The following PCDHA4 variants were observed in gnomAD, a reference collection of about 807,000 sequenced individuals.
PCDHA4 encodes protocadherin alpha-4.
A neutral mutation model predicts 61.4 loss-of-function variants in PCDHA4; 49 were observed. That is an observed-to-expected ratio of 0.80 (90% CI 0.63 to 1.01). The LOEUF is 1.01. Among genes scored for constraint, PCDHA4 ranks in the 50% least tolerant of loss-of-function variants. The pLI is 0.00. For synonymous variants in PCDHA4, 590 were observed against 550.3 expected, an observed-to-expected ratio of 1.07 and a Z score of -1.01; for missense variants, 1,254 against 1,235.8, an observed-to-expected ratio of 1.01 and a Z score of -0.22.
chr5:140,941,447 C>T (rs1180553779), intron 1 of PCDHA4, among the ~76,000 whole-genome samples: 1 of 150,780 alleles, frequency 6.6e-6, no homozygotes, highest in South Asian at 2.1e-4. Flanking sequence ...TCGGGAGTAG[C>T]TGGGATTACA....
intron 1 of PCDHA4, chr5:140,836,400 G>C (rs2150259839): frequency 6.2e-7 from 1 of 1,613,760 alleles, no homozygotes; most frequent in African/African-American, 1.3e-5. Context: ...GGTGGAAAGC[G>C]GCCAGGCACC....
At chr5:140,923,630 G>T (rs1278599561) in intron 1 of PCDHA4, among the ~76,000 whole-genome samples, 1 of 152,106 alleles carries the variant, frequency 6.6e-6, no homozygotes, top group Admixed American at 6.5e-5. Flanking sequence ...TATCCAAAAG[G>T]CAAAAATCTT....
chr5:140,947,569 A>G (rs2094145868), intron 1 of PCDHA4, among the ~76,000 whole-genome samples: 1 of 151,666 alleles, frequency 6.6e-6, no homozygotes. Flanking sequence ...TATATTGGGA[A>G]TGTTTTTAAC....
intron 1 of PCDHA4, chr5:140,882,291 G>A: frequency 6.2e-7 from 1 of 1,613,650 alleles, no homozygotes; most frequent in Non-Finnish European, 8.5e-7. Flanking sequence ...TGGCAAGGAG[G>A]CCCAAGACCG....
intron 1 of PCDHA4, among the ~76,000 whole-genome samples, chr5:140,952,297 C>G (rs2094716383): frequency 6.7e-6 from 1 of 149,532 alleles, no homozygotes; most frequent in South Asian, 2.1e-4. Context: ...TTCTCACAGC[C>G]ATTTCACTCC....
chr5:140,947,188 T>C (rs2153678869), intron 1 of PCDHA4, among the ~76,000 whole-genome samples: 1 of 151,448 alleles, frequency 6.6e-6, no homozygotes, highest in South Asian at 2.1e-4. Context: ...CATGGTATAC[T>C]ACACAGCCTT....
rs2150358985 is a variant in PCDHA4, at chr5:140,843,390, A to T, written c.2385+33818A>T. The T allele has an allele frequency of 7.2e-5, 115 of 1,595,932 alleles. 13 individuals carry two copies. Among genetic ancestry groups the T allele is most frequent in the Admixed American group, 3.7e-4 (22 of 59,276 alleles). ...CAGTCGGCTGGCGTTTTGGGTCCGG[A>T]AGCGGCGCTGGTGGATGTCAACGTG... On this transcript the variant is annotated intron_variant, in intron 1 of 3. Coordinates refer to ENST00000530339, the MANE Select transcript of PCDHA4 (RefSeq NM_018907.4).
At position 140,924,017 on chromosome 5, in the gene PCDHA4, T is replaced by C. The variant is rs2081624736; in HGVS notation, c.2386-54932T>C. Among the ~76,000 whole-genome samples, 3 of 152,218 alleles carry C rather than the reference T, an allele frequency of 2.0e-5. No individual in the cohort carries two copies. In the South Asian group the frequency reaches 6.2e-4, roughly 32 times the overall value. On this transcript the variant is annotated intron_variant, in intron 1 of 3. Transcript: ENST00000530339. ...CTCAGAATTCCTAAACCTGGTATAA[T>C]TGGAGGCATGGCTGCAGACCTAAAA...
At chr5:140,978,851 C>T (rs2096826375) in intron 1 of PCDHA4, 98 bp from the exon 2 acceptor site, 2 of 1,578,528 alleles carry the variant, frequency 1.3e-6, no homozygotes, top group South Asian at 2.3e-5. Flanking sequence ...TTTTTAGATG[C>T]CTGGAAATAT....
chr5:140,965,374 G>A (rs1554227648), intron 1 of PCDHA4, among the ~76,000 whole-genome samples: 1 of 152,098 alleles, frequency 6.6e-6, no homozygotes, highest in Admixed American at 6.6e-5. Flanking sequence ...AGGAAACTTG[G>A]GGACACAGAA....
intron 1 of PCDHA4, among the ~76,000 whole-genome samples, chr5:140,922,496 G>A (rs1554200851): frequency 6.6e-6 from 1 of 152,222 alleles, no homozygotes; most frequent in African/African-American, 2.4e-5. Flanking sequence ...ATCTGAGAGT[G>A]AGCAGATGCA....
chr5:140,996,524 C>A (rs1303736536), intron 3 of PCDHA4, among the ~76,000 whole-genome samples: 3 of 152,048 alleles, frequency 2.0e-5, no homozygotes, highest in African/African-American at 7.2e-5. Flanking sequence ...TTAGAAAGGC[C>A]CTGTGTGTTT....
chr5:140,821,529 A>C (rs2150109691), intron 1 of PCDHA4: 1 of 437,618 alleles, frequency 2.3e-6, no homozygotes, highest in Non-Finnish European at 4.0e-6. Context: ...AAACAAAATA[A>C]AACACTTACC....
intron 1 of PCDHA4, among the ~76,000 whole-genome samples, chr5:140,826,596 GTTAAA>G (rs1357546404): frequency 6.6e-6 from 1 of 152,084 alleles, no homozygotes; most frequent in East Asian, 1.9e-4. Flanking sequence ...TAACATTAAG[GTTAAA>G]TTAAGGGCGA....
At chr5:140,919,926 T>C (rs1040693581) in intron 1 of PCDHA4, among the ~76,000 whole-genome samples, 18 of 152,088 alleles carry the variant, frequency 1.2e-4, no homozygotes, top group African/African-American at 4.1e-4. Flanking sequence ...AATTTTCAGG[T>C]GGGGGCTAAT....
At chr5:140,946,679 CG>C (rs1355438071) in intron 1 of PCDHA4, among the ~76,000 whole-genome samples, 1 of 144,750 alleles carries the variant, frequency 6.9e-6, no homozygotes, top group Non-Finnish European at 1.5e-5. Flanking sequence ...TCCTGTCATT[CG>C]TGACAATATG....
intron 1 of PCDHA4, among the ~76,000 whole-genome samples, chr5:140,899,128 T>A (rs1217010779): frequency 3.9e-5 from 6 of 152,160 alleles, no homozygotes; most frequent in Non-Finnish European, 7.3e-5. Context: ...CAATCATGTC[T>A]TCTGCAAACA....
intron 1 of PCDHA4, chr5:140,836,302 C>G: frequency 1.9e-6 from 3 of 1,613,734 alleles, no homozygotes; most frequent in East Asian, 2.2e-5. Flanking sequence ...CTAGATGAGA[C>G]GGACGCACCG....
chr5:140,834,556 A>G (rs2150220924), intron 1 of PCDHA4: 2 of 1,613,934 alleles, frequency 1.2e-6, no homozygotes, highest in African/African-American at 2.7e-5. Context: ...GAGCTGGCGG[A>G]GCTGGTGCCG....
Sources: allele counts gnomAD v4.1 joint callset (sites outside exome capture counted in the v4.1 genomes callset), GRCh38; gene constraint gnomAD v4.1.1; transcripts MANE v1.5; gene names NCBI Gene and HGNC (gene_info 2026-07-23, HGNC 2026-07-21).